ARHGEF6: variants seen among roughly 807,000 people sequenced by gnomAD.
The protein encoded by ARHGEF6 is Rac/Cdc42 guanine nucleotide exchange factor 6.
In ARHGEF6, 9 loss-of-function variants were observed where a neutral mutation model predicts 70.3. That is an observed-to-expected ratio of 0.13 (90% CI 0.08 to 0.22). The LOEUF is 0.22. ARHGEF6 is among the 10% of genes least tolerant of loss of function. The pLI, the probability that ARHGEF6 is intolerant of heterozygous loss-of-function variation, is 1.00. For missense variants in ARHGEF6, 470 were observed against 563.0 expected, an observed-to-expected ratio of 0.83 and a Z score of 1.67; for synonymous variants, 201 against 207.8, an observed-to-expected ratio of 0.97 and a Z score of 0.28.
intron 9 of ARHGEF6, among the ~76,000 whole-genome samples, chrX:136,698,960 A>G (rs1052056080): frequency 8.9e-6 from 1 of 112,113 alleles, no homozygotes; most frequent in African/African-American, 3.2e-5. Context: ...TAAATTTAAT[A>G]TATTTGAAAA....
chrX:136,724,473 A>T (rs1293624240), intron 6 of ARHGEF6, among the ~76,000 whole-genome samples: 1 of 110,029 alleles, frequency 9.1e-6, no homozygotes, highest in Non-Finnish European at 1.9e-5. Flanking sequence ...TTAATTATTC[A>T]TTTATTTTTT....
chrX:136,751,668 A>T (rs2077152277), intron 2 of ARHGEF6, among the ~76,000 whole-genome samples: 1 of 111,046 alleles, frequency 9.0e-6, no homozygotes, highest in Non-Finnish European at 1.9e-5. Context: ...CCAGAGAGCT[A>T]CCTTGTCCCT....
chrX:136,724,886 C>T (rs184811129), intron 6 of ARHGEF6, among the ~76,000 whole-genome samples: 1 of 111,861 alleles, frequency 8.9e-6, no homozygotes, highest in African/African-American at 3.2e-5. Context: ...ACAGTCATTG[C>T]TTGAAGGGAA....
intron 6 of ARHGEF6, among the ~76,000 whole-genome samples, chrX:136,722,567 A>T (rs1447570575): frequency 8.9e-6 from 1 of 112,125 alleles, no homozygotes; most frequent in Non-Finnish European, 1.9e-5. Context: ...AACATCATTA[A>T]CTATTAGGAA....
At chrX:136,768,154 C>T (rs1163764630) in intron 2 of ARHGEF6, among the ~76,000 whole-genome samples, 2 of 111,722 alleles carry the variant, frequency 1.8e-5, no homozygotes, top group Non-Finnish European at 3.8e-5. Flanking sequence ...TCACATACCA[C>T]CCTTCCTCCA....
intron 9 of ARHGEF6, among the ~76,000 whole-genome samples, chrX:136,691,009 G>C (rs1435778211): frequency 9.1e-6 from 1 of 109,822 alleles, no homozygotes. Flanking sequence ...TACTGATTGA[G>C]CATCTACTAA....
At chrX:136,709,097 C>T (rs1200071265) in intron 7 of ARHGEF6, among the ~76,000 whole-genome samples, 2 of 112,065 alleles carry the variant, frequency 1.8e-5, no homozygotes, top group African/African-American at 6.5e-5. Flanking sequence ...GTGTAAAAAA[C>T]TCTTGAGTAC....
In ARHGEF6 at chrX:136,743,575, C is replaced by A; in HGVS notation, c.661+10G>T. The A allele has an allele frequency of 8.3e-7, 1 of 1,208,115 alleles. No individual in the cohort carries two copies. Among genetic ancestry groups the A allele is most frequent in the Non-Finnish European group, 1.1e-6 (1 of 892,154 alleles). On this transcript the variant is annotated intron_variant, in intron 5 of 21. Transcript: ENST00000250617. ...TCACAATCAAAAAGCCTTTTAAAAA[C>A]TTCACTTACCACTGGATTTAATTTC...
At chrX:136,763,519 C>T (rs995690989) in intron 2 of ARHGEF6, among the ~76,000 whole-genome samples, 5 of 111,921 alleles carry the variant, frequency 4.5e-5, no homozygotes, top group African/African-American at 1.6e-4. Context: ...CTGTACTGGG[C>T]GCTAGGGTTA....
intron 2 of ARHGEF6, among the ~76,000 whole-genome samples, chrX:136,766,294 T>TA (rs34241455): frequency 0.29 from 30,520 of 107,041 alleles, 3,664 homozygotes; most frequent in East Asian, 0.62. Context: ...AATATAAGTT[T>TA]AAAAAAAAAC....
intron 6 of ARHGEF6, among the ~76,000 whole-genome samples, chrX:136,726,023 C>T (rs761076164): frequency 9.0e-5 from 10 of 111,618 alleles, no homozygotes; most frequent in Non-Finnish European, 1.9e-4. Flanking sequence ...AATGCATAAA[C>T]AATGGCTGAA....
At chrX:136,777,471 G>A (rs2077415090) in intron 2 of ARHGEF6, among the ~76,000 whole-genome samples, 1 of 110,228 alleles carries the variant, frequency 9.1e-6, no homozygotes, top group Non-Finnish European at 1.9e-5. Flanking sequence ...TGGTGAAAAG[G>A]AAACACTTCT....
Position 136,713,297 on chromosome X carries a change from C to A in ARHGEF6, c.806G>T (p.Arg269Ile). ...ELQSLLVTYL[R>I]PLQSNNNLST... ...TTACTTGTTATTGGACTGCAGGGGT[C>A]TTAAGTAAGTAACAAGAAGAGACTG... Residue 269 changes from arginine to isoleucine, a missense_variant, in exon 7 of 22, where the codon AGA (arginine) becomes ATA (isoleucine). This residue lies in a region of ARHGEF6 where 379 missense variants were observed against 449.3 expected (regional missense o/e 0.84). Transcript: ENST00000250617. 2 of 1,205,780 alleles carry A rather than the reference C, an allele frequency of 1.7e-6. No individual in the cohort carries two copies. Among genetic ancestry groups the A allele is most frequent in the Non-Finnish European group, 2.2e-6 (2 of 890,828 alleles).
chrX:136,757,189 G>A (rs1407890739), intron 2 of ARHGEF6, among the ~76,000 whole-genome samples: 1 of 112,390 alleles, frequency 8.9e-6, no homozygotes, highest in East Asian at 2.8e-4. Flanking sequence ...CAACATGGCC[G>A]TCTCTACTAA....
intron 3 of ARHGEF6, 84 bp from the exon 4 acceptor site, chrX:136,745,431 C>G (rs747621426): frequency 3.8e-6 from 4 of 1,063,586 alleles, no homozygotes; most frequent in Non-Finnish European, 5.2e-6. Context: ...TCTCAGGATA[C>G]TATCAGAGGC....
chrX:136,732,220 T>C (rs774766041), intron 5 of ARHGEF6, 48 bp from the exon 6 acceptor site: 1 of 998,067 alleles, frequency 1.0e-6, no homozygotes, highest in Non-Finnish European at 1.4e-6. Context: ...AAGGCTATGA[T>C]GAACATTTTA....
Position 136,680,859 on chromosome X carries a change from T to A in ARHGEF6, c.1576A>T (p.Ile526Phe), listed in dbSNP as rs751472735. The A allele has an allele frequency of 8.3e-7, 1 of 1,211,747 alleles. No individual in the cohort carries two copies. Among genetic ancestry groups the A allele is most frequent in the Admixed American group, 2.2e-5 (1 of 46,051 alleles). Residue 526 changes from isoleucine (I) to phenylalanine (F), a missense_variant, in exon 15 of 22, where the codon ATT (isoleucine) becomes TTT (phenylalanine). This residue lies in a region of ARHGEF6 where 379 missense variants were observed against 449.3 expected (regional missense o/e 0.84). Transcript: ENST00000250617. ...FEITGNTVER[I>F]VVHCNNNQDF... ...TGGTTGTTGTTACAATGGACCACAA[T>A]TCTCTCCACTGTGTTACCTACATCC... is the stretch of plus-strand genomic sequence containing the variant.
In ARHGEF6 at chrX:136,675,232, A is replaced by C. The variant is rs769392010; in HGVS notation, c.1946-136T>G. Reference sequence around the variant, plus strand: ...TGAAAGGCAGGAGAAAGAGCTGTCCAACGCTGGTGATGGAGAAGAGTGACA... The same window carrying C: ...TGAAAGGCAGGAGAAAGAGCTGTCCCACGCTGGTGATGGAGAAGAGTGACA... On this transcript the variant is annotated intron_variant, in intron 18 of 21. Transcript: ENST00000250617. The C allele has an allele frequency of 3.4e-5, 18 of 534,207 alleles. No individual in the cohort carries two copies. In the East Asian group the frequency reaches 6.1e-4, roughly 18 times the overall value. 44.0% of individuals were successfully genotyped at this position (534,207 alleles called of 1,213,427 possible).
Position 136,751,648 on chromosome X carries a change from C to T in ARHGEF6, c.250-4056G>A, listed in dbSNP as rs142793016. On this transcript the variant is annotated intron_variant, in intron 2 of 21. Transcript: ENST00000250617. The stretch of plus-strand genomic sequence containing the variant: ...TCATGACTGGGATTGTTGACTTTAT[C>T]CAAGAGGCCCCAGAGAGCTACCTTG... Among the ~76,000 whole-genome samples the T allele has an allele frequency of 8.4e-3, 934 of 110,850 alleles. 4 individuals are homozygous for T. Among genetic ancestry groups the T allele is most frequent in the Non-Finnish European group, 9.2e-3 (488 of 52,920 alleles).
Sources: allele counts gnomAD v4.1 joint callset (sites outside exome capture counted in the v4.1 genomes callset), GRCh38; gene constraint gnomAD v4.1.1; regional missense constraint gnomAD v4.1.1; transcripts MANE v1.5; gene names NCBI Gene and HGNC (gene_info 2026-07-23, HGNC 2026-07-21).